AKAP6: variants seen among roughly 807,000 people sequenced by gnomAD.
AKAP6 encodes A-kinase anchor protein 6.
A neutral mutation model predicts 188.5 loss-of-function variants in AKAP6; 58 were observed. The observed-to-expected ratio is 0.31, with a 90% CI of 0.25 to 0.38. The LOEUF (loss-of-function observed/expected upper bound fraction) is 0.38. Ranked by LOEUF, AKAP6 falls within the 10% of genes least tolerant of loss-of-function variation. AKAP6 has a pLI of 1.00. For missense variants in AKAP6, 2,710 were observed against 2,740.0 expected (o/e 0.99, Z 0.24); for synonymous variants, 989 against 998.6 (o/e 0.99, Z 0.18).
At chr14:32,578,329 A>G (rs1047465254) in intron 5 of AKAP6, among the ~76,000 whole-genome samples, 1 of 152,176 alleles carries the variant, frequency 6.6e-6, no homozygotes, top group Non-Finnish European at 1.5e-5. Context: ...GCTGCATGCA[A>G]ATAGCCTTGC....
rs1594913570 is a variant in AKAP6, at chr14:32,754,829, C to T, written c.3373-18849C>T. Among the ~76,000 whole-genome samples the T allele has an allele frequency of 2.6e-5, 4 of 152,290 alleles. No individual in the cohort carries two copies. In the South Asian group the frequency reaches 6.2e-4, roughly 24 times the overall value. ...AGCACTTTGAATATATCTTCCCACT[C>T]TTTCCTGCCCCGCAAAGTTTCTGCT... On this transcript the variant is annotated intron_variant, in intron 11 of 13. Transcript: ENST00000280979.
chr14:32,548,721 C>T (rs750413753), intron 4 of AKAP6, among the ~76,000 whole-genome samples: 3 of 152,116 alleles, frequency 2.0e-5, no homozygotes, highest in South Asian at 4.1e-4. Context: ...CGCAAACTCA[C>T]GTCTTCTGAT....
intron 1 of AKAP6, 125 bp from the exon 2 acceptor site, chr14:32,433,335 G>A: frequency 1.5e-6 from 1 of 688,284 alleles, no homozygotes; most frequent in East Asian, 2.8e-5. Context: ...TTTTTGTTAT[G>A]AGCTATGGTT....
chr14:32,562,733 A>G (rs573225004), intron 4 of AKAP6, among the ~76,000 whole-genome samples: 40 of 152,270 alleles, frequency 2.6e-4, no homozygotes, highest in African/African-American at 8.9e-4. Context: ...ACTCCAGCCC[A>G]GGTGACAGAG....
At chr14:32,650,333 C>T (rs1262699087) in intron 7 of AKAP6, among the ~76,000 whole-genome samples, 1 of 152,144 alleles carries the variant, frequency 6.6e-6, no homozygotes. Context: ...CTAAATACAG[C>T]CGGGCGCAGT....
intron 7 of AKAP6, among the ~76,000 whole-genome samples, chr14:32,658,780 TAAAA>T (rs34420236): frequency 7.4e-6 from 1 of 136,020 alleles, no homozygotes; most frequent in African/African-American, 2.7e-5. Flanking sequence ...AAGTCTTCTT[TAAAA>T]AAAAAAAAAA....
chr14:32,747,719 T>C (rs2031970319), intron 11 of AKAP6, among the ~76,000 whole-genome samples: 1 of 152,202 alleles, frequency 6.6e-6, no homozygotes, highest in African/African-American at 2.4e-5. Context: ...CACACTACTG[T>C]CTGAGGGTGG....
At chr14:32,416,822 A>T (rs1594592774) in intron 1 of AKAP6, among the ~76,000 whole-genome samples, 2 of 150,538 alleles carry the variant, frequency 1.3e-5, no homozygotes, top group African/African-American at 4.9e-5. Context: ...CACAAAGTGT[A>T]TTTTTTCTTG....
rs1018938894 is a variant in AKAP6, at chr14:32,837,010, C to T, written c.*7205C>T. On this transcript the variant is annotated 3_prime_UTR_variant, in exon 14 of 14. Transcript: ENST00000280979. ...GCTTTGCCCACTGTTAACTACAGAG[C>T]CATATGATAATGGAACATCAAGGTT... is the stretch of plus-strand genomic sequence containing the variant. 3 of 152,210 alleles carry T rather than the reference C, an allele frequency of 2.0e-5. No individual in the cohort carries two copies. Among genetic ancestry groups the T allele is most frequent in the Non-Finnish European group, 4.4e-5 (3 of 68,048 alleles). The allele number at this position is 152,210 out of a possible 1,614,324, so 9.4% of individuals were successfully genotyped here.
chr14:32,756,234 G>A (rs570220574), intron 11 of AKAP6, among the ~76,000 whole-genome samples: 1 of 152,294 alleles, frequency 6.6e-6, no homozygotes, highest in Non-Finnish European at 1.5e-5. Context: ...GTGCAGCCAG[G>A]GTTCTCTAGT....
At chr14:32,524,306 T>C (rs553262929) in intron 2 of AKAP6, among the ~76,000 whole-genome samples, 39 of 152,076 alleles carry the variant, frequency 2.6e-4, no homozygotes, top group Non-Finnish European at 5.3e-4. Flanking sequence ...GCCTCTGTGA[T>C]GGAAAGGGGA....
chr14:32,652,220 C>T (rs1374633960), intron 7 of AKAP6, among the ~76,000 whole-genome samples: 1 of 152,144 alleles, frequency 6.6e-6, no homozygotes, highest in South Asian at 2.1e-4. Flanking sequence ...ATCCTTCCAA[C>T]ATGCCAGGCT....
At chr14:32,399,376 C>T (rs1310328853) in intron 1 of AKAP6, among the ~76,000 whole-genome samples, 1 of 152,124 alleles carries the variant, frequency 6.6e-6, no homozygotes, top group Non-Finnish European at 1.5e-5. Context: ...AGAGGTTCTG[C>T]AGATCAAGAG....
intron 11 of AKAP6, among the ~76,000 whole-genome samples, chr14:32,769,979 T>C (rs1467582289): frequency 6.6e-6 from 1 of 152,200 alleles, no homozygotes; most frequent in Non-Finnish European, 1.5e-5. Context: ...AATACCAGTA[T>C]TGAAAGTCTT....
At chr14:32,583,136 T>C (rs1347068966) in intron 5 of AKAP6, among the ~76,000 whole-genome samples, 1 of 152,210 alleles carries the variant, frequency 6.6e-6, no homozygotes, top group African/African-American at 2.4e-5. Flanking sequence ...ACTTTTGGTC[T>C]TTGATGATGG....
intron 7 of AKAP6, among the ~76,000 whole-genome samples, chr14:32,618,410 A>G (rs892316562): frequency 1.3e-5 from 2 of 152,194 alleles, no homozygotes; most frequent in Admixed American, 1.3e-4. Context: ...TTGCATACCC[A>G]TAGCTTAGCC....
rs1015516225 is a variant in AKAP6 at position 32,833,166 on chromosome 14, T to C, written c.*3361T>C. 6.6e-6 allele frequency: 1 copy of C among 152,202 alleles called. No individual in the cohort carries two copies. The highest frequency in any genetic ancestry group is 1.5e-5 in the Non-Finnish European group (1 of 68,036). 9.4% of individuals were successfully genotyped at this position (152,202 alleles called of 1,614,324 possible). ...TTCCAAGTAGGGCACTCCCTCCGCT[T>C]ATTTATTCATTTATTCAGCCATTCA... On this transcript the variant is annotated 3_prime_UTR_variant, in exon 14 of 14. Transcript: ENST00000280979.
intron 2 of AKAP6, among the ~76,000 whole-genome samples, chr14:32,509,265 C>T (rs1167732505): frequency 6.6e-6 from 1 of 151,498 alleles, no homozygotes. Context: ...GCTGGGATTA[C>T]ATGTGTACAC....
rs1369853821 is a variant in AKAP6, at chr14:32,632,589, T to C, written c.2730+31797T>C. Among the ~76,000 whole-genome samples the C allele has an allele frequency of 2.6e-5, 4 of 152,068 alleles. No individual in the cohort carries two copies. In the East Asian group the frequency reaches 7.7e-4, roughly 29 times the overall value. On this transcript the variant is annotated intron_variant, in intron 7 of 13. Coordinates refer to ENST00000280979, the MANE Select transcript of AKAP6 (RefSeq NM_004274.5). Reference sequence around the variant, plus strand: ...ATAAATTTGCAGAGATGTGCATCTATATCCAAGAATCCAAACAGGAGAGCT... The same window carrying C: ...ATAAATTTGCAGAGATGTGCATCTACATCCAAGAATCCAAACAGGAGAGCT...
Sources: allele counts gnomAD v4.1 joint callset (sites outside exome capture counted in the v4.1 genomes callset), GRCh38; gene constraint gnomAD v4.1.1; transcripts MANE v1.5; gene names NCBI Gene and HGNC (gene_info 2026-07-23, HGNC 2026-07-21).